Variants in TROAP observed in about 807,000 individuals in gnomAD.
The protein encoded by TROAP is trophinin associated protein.
Under a neutral mutation model 83.4 loss-of-function variants are expected in TROAP, and 62 were observed. The observed-to-expected ratio is 0.74, with a 90% CI of 0.61 to 0.92. The LOEUF (loss-of-function observed/expected upper bound fraction) is 0.92. Among genes scored for constraint, TROAP ranks in the 40% least tolerant of loss-of-function variants. The pLI is 0.00. For missense variants in TROAP, 876 were observed against 985.1 expected (o/e 0.89, Z 1.48); for synonymous variants, 352 against 386.4 (o/e 0.91, Z 1.04).
rs1045519260 is a variant in TROAP at position 49,330,967 on chromosome 12, T to C, written c.2098+24T>C. 6 of 1,606,460 alleles carry C rather than the reference T, an allele frequency of 3.7e-6. No homozygotes were observed. The African/African-American group carries it at 6.7e-5, about 18-fold the overall frequency. ...AGGTAAGGAGTTGGCTGGGAAGGAG[T>C]GTGAACACAAGAGGTCCTCACCTCA... On this transcript the variant is annotated intron_variant, in intron 13 of 14. Coordinates refer to ENST00000257909, the MANE Select transcript of TROAP (RefSeq NM_005480.4).
intron 13 of TROAP, 76 bp from the exon 14 acceptor site, chr12:49,331,138 G>T: frequency 6.3e-7 from 1 of 1,593,148 alleles, no homozygotes; most frequent in Non-Finnish European, 8.6e-7. Flanking sequence ...GGCCGTTGGT[G>T]GGGGAGGAGG....
In TROAP at chr12:49,323,589, C is replaced by T. The variant is rs773445127; in HGVS notation, c.-5-15C>T. On this transcript the variant is annotated splice_polypyrimidine_tract_variant and intron_variant, in intron 1 of 14. Coordinates refer to ENST00000257909, the MANE Select transcript of TROAP (RefSeq NM_005480.4). The stretch of plus-strand genomic sequence containing the variant: ...TCTTAGATTCTGCCTGCCTTCTTCC[C>T]CGTCTCAATTGTAGCCATCATGACC... The T allele has an allele frequency of 1.2e-6, 2 of 1,610,190 alleles. No individual in the cohort carries two copies. Among genetic ancestry groups the T allele is most frequent in the Non-Finnish European group, 8.5e-7 (1 of 1,176,968 alleles).
chr12:49,328,507 G>A (rs1403539604), intron 8 of TROAP, among the ~76,000 whole-genome samples: 3 of 152,034 alleles, frequency 2.0e-5, no homozygotes, highest in Non-Finnish European at 4.4e-5. Context: ...ACAGGCCTGA[G>A]CCACCATGCC....
chr12:49,327,791 AATAAT>A (rs1943523051), intron 8 of TROAP, among the ~76,000 whole-genome samples: 2 of 151,774 alleles, frequency 1.3e-5, no homozygotes, highest in Non-Finnish European at 2.9e-5. Flanking sequence ...TCTCTAAAAT[AATAAT>A]AATAATAATA....
chr12:49,326,174 G>A lies in TROAP; in HGVS notation c.716+16G>A, dbSNP rs1053429191. 1.6e-5 allele frequency: 25 copies of A among 1,612,668 alleles called. No individual in the cohort carries two copies. Among genetic ancestry groups the A allele is most frequent in the Non-Finnish European group, 2.0e-5 (24 of 1,179,022 alleles). On this transcript the variant is annotated intron_variant, in intron 6 of 14. Transcript: ENST00000257909. The stretch of plus-strand genomic sequence containing the variant: ...GCAGCAGCCGGTGAGAAAGGAGAGG[G>A]TGTGGGAGAAGGTCATCTGGAAAAG...
rs117987084 is a variant in TROAP, at chr12:49,323,278, G to T, written c.-77G>T. The stretch of plus-strand genomic sequence containing the variant: ...GCGTATTTTACAAACTGAGAAAGTA[G>T]CTCCAGCAGCACCCGAGAGGGTCAG... On this transcript the variant is annotated 5_prime_UTR_variant, in exon 1 of 15. Coordinates refer to ENST00000257909, the MANE Select transcript of TROAP (RefSeq NM_005480.4). 4,334 of 256,718 alleles carry T rather than the reference G, an allele frequency of 0.017. 51 individuals are homozygous for T. The highest frequency in any genetic ancestry group is 0.023 in the East Asian group (322 of 13,744). The allele number at this position is 256,718 out of a possible 1,614,324, so 15.9% of individuals were successfully genotyped here.
chr12:49,330,933 A>G lies in TROAP; in HGVS notation c.2088A>G (p.Ala696=), dbSNP rs1368871986. The G allele has an allele frequency of 1.9e-6, 3 of 1,611,050 alleles. No individual in the cohort carries two copies. Among genetic ancestry groups the G allele is most frequent in the Admixed American group, 1.7e-5 (1 of 60,002 alleles). Residue 696 remains alanine, a synonymous_variant, in exon 13 of 15, where the codon GCA becomes GCG. Coordinates refer to ENST00000257909, the MANE Select transcript of TROAP (RefSeq NM_005480.4). ...CACTCCAGTCTTTGAGACCCCCAGC[A>G]GGCCAGGCAGGTAAGGAGTTGGCTG... is the stretch of plus-strand genomic sequence containing the variant. ...ICSLQSLRPP[A]GQAGLSNLAP... is the part of the protein sequence containing the mutation.
intron 6 of TROAP, among the ~76,000 whole-genome samples, chr12:49,326,400 T>C (rs1401931517): frequency 5.9e-5 from 9 of 152,130 alleles, no homozygotes; most frequent in Admixed American, 5.9e-4. Context: ...AGGACAGAAA[T>C]GTGCTATCTC....
chr12:49,329,633 C>A lies in TROAP; in HGVS notation c.1164+179C>A. On this transcript the variant is annotated intron_variant, in intron 11 of 14. Coordinates refer to ENST00000257909, the MANE Select transcript of TROAP (RefSeq NM_005480.4). This position sits in a 1 kb window ranked among gnomAD's most constrained non-coding sequence, Gnocchi z 4.5. ...TTGAGCTCAGATCTTTGAGACCAGCCTGGGCAACATAGTGAGACCCTGTCT... is the reference window on the plus strand; with the variant it reads ...TTGAGCTCAGATCTTTGAGACCAGCATGGGCAACATAGTGAGACCCTGTCT... The A allele has an allele frequency of 1.0e-6, 1 of 980,588 alleles. No individual in the cohort carries two copies. The highest frequency in any genetic ancestry group is 1.5e-6 in the Non-Finnish European group (1 of 662,182). 60.7% of individuals were successfully genotyped at this position (980,588 alleles called of 1,614,324 possible).
intron 8 of TROAP, among the ~76,000 whole-genome samples, chr12:49,328,194 T>C (rs1029251896): frequency 2.0e-5 from 3 of 146,680 alleles, no homozygotes; most frequent in Non-Finnish European, 3.0e-5. Context: ...ATCAAGAAAG[T>C]GACATGATTT....
rs1429368594 is a variant in TROAP at position 49,326,728 on chromosome 12, T to C, written c.769+8T>C. On this transcript the variant is annotated splice_region_variant and intron_variant, in intron 7 of 14. Coordinates refer to ENST00000257909, the MANE Select transcript of TROAP (RefSeq NM_005480.4). ...AGACCCCAGTCCAGCCTGGTAAGTGTTTCTGGCGTGGGGAGAGAACAGGGG... is the reference window on the plus strand; with the variant it reads ...AGACCCCAGTCCAGCCTGGTAAGTGCTTCTGGCGTGGGGAGAGAACAGGGG... 1 of 1,560,188 alleles carries C rather than the reference T, an allele frequency of 6.4e-7. No individual in the cohort carries two copies. Among genetic ancestry groups the C allele is most frequent in the Non-Finnish European group, 8.7e-7 (1 of 1,150,640 alleles).
At chr12:49,328,092 G>A (rs998842722) in intron 8 of TROAP, among the ~76,000 whole-genome samples, 8 of 151,936 alleles carry the variant, frequency 5.3e-5, no homozygotes, top group African/African-American at 1.7e-4. Flanking sequence ...GGGTTTTAGC[G>A]ATAACACGAT....
At position 49,331,563 on chromosome 12, in the gene TROAP, C is replaced by G. The variant is rs143890352; in HGVS notation, c.2293-10C>G. 51 of 1,614,184 alleles carry G rather than the reference C, an allele frequency of 3.2e-5. No homozygotes were observed. In the Middle Eastern group the frequency reaches 1.3e-3, roughly 42 times the overall value. On this transcript the variant is annotated splice_polypyrimidine_tract_variant and intron_variant, in intron 14 of 14. Transcript: ENST00000257909. ...TGGCTGAGCTGTGACAAGGTCTTCT[C>G]TGTCTCCAGTGTTTCATTCCAGTTG...
chr12:49,323,458 C>T, intron 1 of TROAP, 109 bp downstream of exon 1: 2 of 1,056,402 alleles, frequency 1.9e-6, no homozygotes, highest in South Asian at 3.0e-5. Context: ...GGAGATAGCA[C>T]CCATAAGAGC....
chr12:49,329,964 C>G lies in TROAP; in HGVS notation c.1272C>G (p.Thr424=), dbSNP rs918604073. ...CTTCTGGACCCCACTCTAACAGAAC[C>G]CCCAGCCTCCAGGAGGTGAAGATTC... The part of the protein sequence containing the change: ...ATPSGPHSNR[T]PSLQEVKIQR... Residue 424 remains threonine, a synonymous_variant, in exon 12 of 15, where the codon ACC becomes ACG. Transcript: ENST00000257909. This position sits in a 1 kb window ranked among gnomAD's most constrained non-coding sequence, Gnocchi z 4.5. 6.2e-7 allele frequency: 1 copy of G among 1,614,010 alleles called. No individual in the cohort carries two copies.
chr12:49,323,456 C>G lies in TROAP; in HGVS notation c.-6+107C>G, dbSNP rs114162569. The G allele has an allele frequency of 9.7e-4, 994 of 1,025,392 alleles. 7 individuals are homozygous for G. The African/African-American group carries it at 0.014, about 14-fold the overall frequency. 63.5% of individuals were successfully genotyped at this position (1,025,392 alleles called of 1,614,324 possible). On this transcript the variant is annotated intron_variant, in intron 1 of 14. Transcript: ENST00000257909. ...GTAGGCTCGGGGTGTCTGGAGATAG[C>G]ACCCATAAGAGCGGTCTTGCAGGCG...
intron 13 of TROAP, 65 bp downstream of exon 13, chr12:49,331,008 C>G (rs768272438): frequency 6.3e-7 from 1 of 1,586,990 alleles, no homozygotes; most frequent in South Asian, 1.1e-5. Context: ...AGCTGCACAC[C>G]TGCCCTGCCC....
chr12:49,325,442 T>C, intron 3 of TROAP, 59 bp from the exon 4 acceptor site: 1 of 1,541,044 alleles, frequency 6.5e-7, no homozygotes, highest in Admixed American at 1.9e-5. Context: ...GTTCCTATGC[T>C]AGGGGCCCTA....
At chr12:49,331,441 C>T in intron 14 of TROAP, 34 bp downstream of exon 14, 2 of 1,607,988 alleles carry the variant, frequency 1.2e-6, no homozygotes, top group Non-Finnish European at 1.7e-6. Flanking sequence ...GCTGTGGCTG[C>T]ACAGTGAGCC....
Sources: gnomAD v4.1 joint callset for allele counts (sites outside exome capture counted in the v4.1 genomes callset) on GRCh38, gnomAD v4.1.1 for gene constraint, Gnocchi (gnomAD v3.1) non-coding constraint, MANE v1.5 for transcripts, NCBI Gene and HGNC (gene_info 2026-07-23, HGNC 2026-07-21) for gene names.